The following USO1 variants were observed in gnomAD, a reference collection of about 807,000 sequenced individuals.
The protein encoded by USO1 is general vesicular transport factor p115.
In USO1, 57 loss-of-function variants were observed where a neutral mutation model predicts 124.5. The ratio of observed to expected loss-of-function variants is 0.46; its 90% CI spans 0.37 to 0.57. The LOEUF (loss-of-function observed/expected upper bound fraction) is 0.57, where lower values mean the gene tolerates loss of function less well. USO1 is among the 20% of genes least tolerant of loss of function. USO1 has a pLI of 0.00. For missense variants in USO1, 900 were observed against 1,040.6 expected (o/e 0.86, Z 1.86); for synonymous variants, 369 against 362.8 (o/e 1.02, Z -0.19).
chr4:75,802,593 G>A (rs1577972355), intron 17 of USO1, among the ~76,000 whole-genome samples: 1 of 152,042 alleles, frequency 6.6e-6, no homozygotes, highest in Admixed American at 6.5e-5. Flanking sequence ...CCAAAATTCA[G>A]GAAAACAATT....
At chr4:75,750,727 C>T (rs1307358188) in intron 1 of USO1, among the ~76,000 whole-genome samples, 1 of 74,768 alleles carries the variant, frequency 1.3e-5, no homozygotes, top group Non-Finnish European at 3.4e-5. Context: ...TTGTGATCCA[C>T]CCACCTCGAC....
intron 1 of USO1, among the ~76,000 whole-genome samples, chr4:75,727,476 T>G (rs1720498167): frequency 6.6e-6 from 1 of 152,220 alleles, no homozygotes; most frequent in East Asian, 1.9e-4. Flanking sequence ...CTTCTGAAAA[T>G]TATTATTCTG....
At chr4:75,757,760 G>A (rs1308290427) in intron 4 of USO1, among the ~76,000 whole-genome samples, 187 bp downstream of exon 4, 1 of 152,052 alleles carries the variant, frequency 6.6e-6, no homozygotes, top group African/African-American at 2.4e-5. Context: ...TGCTTTGTGT[G>A]TAAGTCAGAA....
At chr4:75,740,552 T>G (rs1720930894) in intron 1 of USO1, among the ~76,000 whole-genome samples, 1 of 152,206 alleles carries the variant, frequency 6.6e-6, no homozygotes, top group Admixed American at 6.5e-5. Context: ...CTCCCAGAAC[T>G]CTGAGATTAC....
chr4:75,786,206 T>G (rs1317533864), intron 9 of USO1, among the ~76,000 whole-genome samples: 3 of 152,148 alleles, frequency 2.0e-5, no homozygotes, highest in Admixed American at 6.6e-5. Flanking sequence ...CTTAGTGGAG[T>G]CAATCCATAG....
At chr4:75,806,653 A>G (rs1723005898) in intron 20 of USO1, 81 bp downstream of exon 20, 6 of 1,480,352 alleles carry the variant, frequency 4.1e-6, no homozygotes, top group African/African-American at 1.4e-5. Context: ...TCACAAATCT[A>G]GAACTATATT....
At position 75,784,294 on chromosome 4, in the gene USO1, A is replaced by G. The variant is rs796257608; in HGVS notation, c.855+1436A>G. ...CTCAGCTTCCCAAAGTGCTGCTGTT[A>G]TAGGTGTGAGCCACATGCCCGGCCT... On this transcript the variant is annotated intron_variant, in intron 9 of 23. Transcript: ENST00000514213. Among the ~76,000 whole-genome samples, 17 of 152,266 alleles carry G rather than the reference A, an allele frequency of 1.1e-4. 1 individual carries two copies. Among genetic ancestry groups the G allele is most frequent in the East Asian group, 7.7e-4 (4 of 5,188 alleles).
chr4:75,775,722 A>G (rs1210858735), intron 8 of USO1, among the ~76,000 whole-genome samples: 1 of 152,178 alleles, frequency 6.6e-6, no homozygotes, highest in Non-Finnish European at 1.5e-5. Flanking sequence ...GTGCTATGAA[A>G]AGACAGTAAG....
intron 5 of USO1, 61 bp downstream of exon 5, chr4:75,770,600 T>C: frequency 6.6e-7 from 1 of 1,514,840 alleles, no homozygotes; most frequent in Non-Finnish European, 8.9e-7. Flanking sequence ...GCCTTTTGGA[T>C]GTTATTGAGG....
At chr4:75,791,872 A>C (rs1722542053) in intron 12 of USO1, among the ~76,000 whole-genome samples, 1 of 152,224 alleles carries the variant, frequency 6.6e-6, no homozygotes, top group Non-Finnish European at 1.5e-5. Context: ...CTGATGTAGT[A>C]GAATGATCAA....
chr4:75,754,479 C>A (rs1313779762), intron 3 of USO1, among the ~76,000 whole-genome samples: 1 of 152,234 alleles, frequency 6.6e-6, no homozygotes, highest in African/African-American at 2.4e-5. Context: ...ATGTGTCTTA[C>A]AAGCTTTAGC....
intron 9 of USO1, among the ~76,000 whole-genome samples, chr4:75,784,208 A>G (rs1023161226): frequency 1.3e-5 from 2 of 152,182 alleles, no homozygotes; most frequent in African/African-American, 2.4e-5. Context: ...TTTAGTAGAC[A>G]TGAGGTCTCA....
chr4:75,776,254 A>G (rs532229617), intron 8 of USO1, among the ~76,000 whole-genome samples: 7 of 152,186 alleles, frequency 4.6e-5, no homozygotes, highest in Non-Finnish European at 1.0e-4. Flanking sequence ...TCTAAGGTAC[A>G]TGGGATTGAG....
chr4:75,750,564 A>G (rs1217480327), intron 1 of USO1, among the ~76,000 whole-genome samples: 1 of 151,900 alleles, frequency 6.6e-6, no homozygotes, highest in Admixed American at 6.6e-5. Context: ...GCTCGCTGCA[A>G]CCTCTGCCTC....
Position 75,800,695 on chromosome 4 carries a change from A to T in USO1, c.1760A>T (p.His587Leu). The change falls in exon 16 of 24, where the codon CAT (histidine) becomes CTT (leucine). Residue 587 changes from histidine (H) to leucine (L), a missense_variant. Transcript: ENST00000514213. Reference protein sequence around the residue: ...FIEKLGFISKHELYSRASQKP... With the variant: ...FIEKLGFISKLELYSRASQKP... ...GAGAAACTAGGATTTATTAGCAAAC[A>T]TGAGTTGTATTCCAGAGCATCTCAG... is the stretch of plus-strand genomic sequence containing the variant. 1 of 1,604,100 alleles carries T rather than the reference A, an allele frequency of 6.2e-7. No homozygotes were observed. The highest frequency in any genetic ancestry group is 1.1e-5 in the South Asian group (1 of 88,586).
intron 1 of USO1, among the ~76,000 whole-genome samples, chr4:75,749,343 A>C (rs2149151771): frequency 6.6e-6 from 1 of 152,224 alleles, no homozygotes; most frequent in East Asian, 1.9e-4. Context: ...AAACATTTGC[A>C]TTGCCAAAAT....
chr4:75,744,067 T>C (rs973664968), intron 1 of USO1, among the ~76,000 whole-genome samples: 2 of 152,068 alleles, frequency 1.3e-5, no homozygotes, highest in Admixed American at 1.3e-4. Flanking sequence ...TGAGCCACTG[T>C]GCCTCGCCCC....
intron 1 of USO1, among the ~76,000 whole-genome samples, chr4:75,751,518 C>A (rs1437802318): frequency 6.9e-6 from 1 of 144,298 alleles, no homozygotes; most frequent in Non-Finnish European, 1.5e-5. Context: ...GGCCAAGATT[C>A]GTTTTAAAAT....
At chr4:75,772,953 C>T (rs1163863451) in intron 7 of USO1, among the ~76,000 whole-genome samples, 1 of 151,984 alleles carries the variant, frequency 6.6e-6, no homozygotes, top group East Asian at 1.9e-4. Context: ...AAAAAATTAA[C>T]TGGGTGTAGT....
Sources: allele counts gnomAD v4.1 joint callset (sites outside exome capture counted in the v4.1 genomes callset), GRCh38; gene constraint gnomAD v4.1.1; transcripts MANE v1.5; gene names NCBI Gene and HGNC (gene_info 2026-07-23, HGNC 2026-07-21).